The following KLF17 variants were observed in gnomAD, a reference collection of about 807,000 sequenced individuals.
KLF17 encodes the protein Krueppel-like factor 17.
In KLF17, 31 loss-of-function variants were observed where a neutral mutation model predicts 34.2. The observed-to-expected ratio is 0.91, with a 90% CI of 0.68 to 1.22. The LOEUF (loss-of-function observed/expected upper bound fraction) is 1.22, where lower values mean the gene tolerates loss of function less well. Among genes scored for constraint, KLF17 ranks in the 50% most tolerant of loss-of-function variants. KLF17 has a pLI of 0.00. For missense variants in KLF17, 478 were observed against 505.2 expected, an observed-to-expected ratio of 0.95 and a Z score of 0.52; for synonymous variants, 179 against 186.7, an observed-to-expected ratio of 0.96 and a Z score of 0.34.
At chr1:44,116,645 T>C (rs1185142640), upstream of KLF17, among the ~76,000 whole-genome samples, 3 of 152,232 alleles carry the variant, frequency 2.0e-5, no homozygotes, top group African/African-American at 7.2e-5. Context: ...GAGTCACCAG[T>C]GACCTCCGTC....
At chr1:44,080,004 C>T in the KLF17 span, among the ~76,000 whole-genome samples, 1 of 151,526 alleles carries the variant, frequency 6.6e-6, no homozygotes, top group African/African-American at 2.4e-5. Flanking sequence ...TCTCGGCTTA[C>T]TACAACCTCT....
the KLF17 span, among the ~76,000 whole-genome samples, chr1:44,057,340 C>T: frequency 7.9e-5 from 12 of 152,234 alleles, no homozygotes; most frequent in South Asian, 6.2e-4. Context: ...GAAAGGAGAA[C>T]GTTAACAGCT....
the KLF17 span, chr1:44,047,825 A>G: frequency 6.6e-6 from 1 of 152,216 alleles, no homozygotes; most frequent in Non-Finnish European, 1.5e-5. Flanking sequence ...TACAGACGCC[A>G]TACTGCAACA....
the KLF17 span, among the ~76,000 whole-genome samples, chr1:44,089,334 G>A: frequency 6.6e-6 from 1 of 152,190 alleles, no homozygotes; most frequent in East Asian, 1.9e-4. Context: ...ATTGGGCAGA[G>A]GAAGAACTTG....
At chr1:44,087,869 G>A in the KLF17 span, 1 of 151,416 alleles carries the variant, frequency 6.6e-6, no homozygotes, top group African/African-American at 2.5e-5. Flanking sequence ...AGAAATGTGT[G>A]TTTAATGGCA....
At chr1:44,092,781 T>C in the KLF17 span, among the ~76,000 whole-genome samples, 3 of 151,994 alleles carry the variant, frequency 2.0e-5, no homozygotes, top group Admixed American at 2.0e-4. Flanking sequence ...ACTTGAGTGA[T>C]AGACCCCCTA....
In KLF17 at chr1:44,129,341, T is replaced by C. The variant is rs766291772; in HGVS notation, c.82-12T>C. The C allele has an allele frequency of 1.3e-6, 2 of 1,504,714 alleles. No individual in the cohort carries two copies. The highest frequency in any genetic ancestry group is 1.4e-5 in the African/African-American group (1 of 71,360). The allele number at this position is 1,504,714 out of a possible 1,614,324, so 93.2% of individuals were successfully genotyped here. On this transcript the variant is annotated splice_polypyrimidine_tract_variant and intron_variant, in intron 1 of 3. Transcript: ENST00000372299. The stretch of plus-strand genomic sequence containing the variant: ...AATTTGAGCAAAAATCACCTGACTC[T>C]TTTTCCCCAAGGATAACGAGAACTC...
At position 44,135,129 on chromosome 1, in the gene KLF17, T is replaced by G. The variant is rs1250301388; in HGVS notation, c.*1892T>G. 6.6e-6 allele frequency: 1 copy of G among 152,044 alleles called. No individual in the cohort carries two copies. Among genetic ancestry groups the G allele is most frequent in the African/African-American group, 2.4e-5 (1 of 41,408 alleles). The allele number at this position is 152,044 out of a possible 1,614,324, so 9.4% of individuals were successfully genotyped here. Reference sequence around the variant, plus strand: ...GACCTTGTCTCTGTAAAAAATAAAATTAAAAGAAAAAGAAGGGAAAGTGAT... The same window carrying G: ...GACCTTGTCTCTGTAAAAAATAAAAGTAAAAGAAAAAGAAGGGAAAGTGAT... On this transcript the variant is annotated 3_prime_UTR_variant, in exon 4 of 4. Coordinates refer to ENST00000372299, the MANE Select transcript of KLF17 (RefSeq NM_173484.4).
the KLF17 span, chr1:44,105,152 T>C: frequency 6.6e-6 from 1 of 152,020 alleles, no homozygotes; most frequent in Non-Finnish European, 1.5e-5. Flanking sequence ...TTGAGAGATG[T>C]GTATATAAGT....
chr1:44,090,184 C>T, the KLF17 span, among the ~76,000 whole-genome samples: 2 of 146,280 alleles, frequency 1.4e-5, no homozygotes, highest in African/African-American at 5.1e-5. Context: ...CAATTATTTA[C>T]TATATGGCCC....
intron 1 of KLF17, among the ~76,000 whole-genome samples, chr1:44,123,480 T>C (rs1387700250): frequency 6.6e-6 from 1 of 152,258 alleles, no homozygotes; most frequent in East Asian, 1.9e-4. Flanking sequence ...CCGATTTCAT[T>C]TCTCATGTTC....
At chr1:44,128,375 T>C (rs1456012594) in intron 1 of KLF17, among the ~76,000 whole-genome samples, 1 of 152,232 alleles carries the variant, frequency 6.6e-6, no homozygotes, top group African/African-American at 2.4e-5. Flanking sequence ...AATATGGTTC[T>C]TGGCTTCTAT....
chr1:44,090,268 T>TAGACC, the KLF17 span, among the ~76,000 whole-genome samples: 1 of 113,120 alleles, frequency 8.8e-6, no homozygotes, highest in Non-Finnish European at 1.6e-5. Context: ...TGAGGAGTTC[T>TAGACC]AGACCAGCCT....
At chr1:44,105,697 C>T in the KLF17 span, among the ~76,000 whole-genome samples, 22 of 152,056 alleles carry the variant, frequency 1.4e-4, no homozygotes, top group Middle Eastern at 3.4e-3. Context: ...TAGAACAATG[C>T]TTCTTAAACT....
intron 1 of KLF17, among the ~76,000 whole-genome samples, chr1:44,128,761 C>T (rs918942884): frequency 2.6e-5 from 4 of 152,074 alleles, no homozygotes; most frequent in Non-Finnish European, 5.9e-5. Context: ...GCCTGTAATC[C>T]CAGCACTTTG....
chr1:44,082,256 G>A, the KLF17 span, among the ~76,000 whole-genome samples: 7 of 152,166 alleles, frequency 4.6e-5, no homozygotes, highest in Non-Finnish European at 7.3e-5. Context: ...ACTGAATAGC[G>A]GAAGATTAAG....
At chr1:44,072,912 T>C in the KLF17 span, among the ~76,000 whole-genome samples, 1 of 151,402 alleles carries the variant, frequency 6.6e-6, no homozygotes, top group Non-Finnish European at 1.5e-5. Context: ...GAGAAATAGG[T>C]GTTTGAAGGA....
chr1:44,101,881 A>G, the KLF17 span, among the ~76,000 whole-genome samples: 2 of 152,008 alleles, frequency 1.3e-5, no homozygotes, highest in East Asian at 1.9e-4. Flanking sequence ...AACAAAACAA[A>G]CAAACAAACA....
At chr1:44,114,207 A>G (rs2087860262), upstream of KLF17, 1 of 152,246 alleles carries the variant, frequency 6.6e-6, no homozygotes, top group Non-Finnish European at 1.5e-5. Flanking sequence ...GGGATCATTC[A>G]TAAATCAGGA....
Sources: allele counts gnomAD v4.1 joint callset (sites outside exome capture counted in the v4.1 genomes callset), GRCh38; gene constraint gnomAD v4.1.1; transcripts MANE v1.5; gene names NCBI Gene and HGNC (gene_info 2026-07-23, HGNC 2026-07-21).